GABRB2: variants seen among roughly 807,000 people sequenced by gnomAD.
The protein encoded by GABRB2 is gamma-aminobutyric acid receptor subunit beta-2.
GABRB2 carries 16 observed loss-of-function variants against 54.7 expected under a neutral mutation model. The ratio of observed to expected loss-of-function variants is 0.29; its 90% CI spans 0.20 to 0.44. The LOEUF (loss-of-function observed/expected upper bound fraction) is 0.44. Ranked by LOEUF, GABRB2 falls within the 20% of genes least tolerant of loss-of-function variation. The pLI is 1.00. For missense variants in GABRB2, 355 were observed against 644.0 expected (o/e 0.55, Z 4.86); for synonymous variants, 244 against 233.8 (o/e 1.04, Z -0.40).
At chr5:161,370,279 T>C (rs1755094070) in intron 5 of GABRB2, among the ~76,000 whole-genome samples, 1 of 152,198 alleles carries the variant, frequency 6.6e-6, no homozygotes, top group Non-Finnish European at 1.5e-5. Flanking sequence ...TATCATTTGG[T>C]GTCCTGTGCT....
chr5:161,365,269 A>G (rs370895443), intron 5 of GABRB2, among the ~76,000 whole-genome samples: 1 of 152,202 alleles, frequency 6.6e-6, no homozygotes, highest in East Asian at 1.9e-4. Flanking sequence ...CATGAGGCCC[A>G]GATGAAATGG....
intron 3 of GABRB2, among the ~76,000 whole-genome samples, chr5:161,522,973 A>T (rs568089517): frequency 6.6e-6 from 1 of 151,578 alleles, no homozygotes; most frequent in East Asian, 1.9e-4. Context: ...ATTAATAGAT[A>T]TAATTTATTG....
At chr5:161,371,139 T>C (rs1755119560) in intron 5 of GABRB2, among the ~76,000 whole-genome samples, 1 of 152,064 alleles carries the variant, frequency 6.6e-6, no homozygotes. Flanking sequence ...AGAATCAATC[T>C]CCAGAATATA....
chr5:161,328,052 A>C (rs1322157987), intron 8 of GABRB2, among the ~76,000 whole-genome samples: 1 of 152,174 alleles, frequency 6.6e-6, no homozygotes, highest in African/African-American at 2.4e-5. Context: ...TTTTGTTTTA[A>C]TCTAATCAAA....
rs576272737 is a variant in GABRB2, at chr5:161,301,917, C to A, written c.1192-7489G>T. Among the ~76,000 whole-genome samples the A allele has an allele frequency of 1.2e-3, 181 of 152,278 alleles. 1 individual carries two copies. The highest frequency in any genetic ancestry group is 2.2e-3 in the Non-Finnish European group (149 of 68,022). The stretch of plus-strand genomic sequence containing the variant: ...AGAGGCTCTATCAAGCATGCCGATG[C>A]CAACAAAGAAGTCTCCTGCTTCCAA... On this transcript the variant is annotated intron_variant, in intron 9 of 9. Coordinates refer to ENST00000393959, the MANE Select transcript of GABRB2 (RefSeq NM_001371727.1).
At chr5:161,341,334 A>G (rs1450571680) in intron 5 of GABRB2, among the ~76,000 whole-genome samples, 2 of 152,024 alleles carry the variant, frequency 1.3e-5, no homozygotes, top group Non-Finnish European at 2.9e-5. Flanking sequence ...AGATATCAGA[A>G]GGAAATGCAC....
rs764051200 is a variant in GABRB2 at position 161,294,443 on chromosome 5, A to C, written c.1192-15T>G. On this transcript the variant is annotated splice_polypyrimidine_tract_variant and intron_variant, in intron 9 of 9. Coordinates refer to ENST00000393959, the MANE Select transcript of GABRB2 (RefSeq NM_001371727.1). ...TGGGGGTCCATCTGCAAGGGAAGAG[A>C]ATCAAAAAGACAATCAGAACAATGA... The C allele has an allele frequency of 6.2e-7, 1 of 1,601,726 alleles. No homozygotes were observed. The highest frequency in any genetic ancestry group is 1.1e-5 in the South Asian group (1 of 90,626).
chr5:161,294,387 T>C lies in GABRB2; in HGVS notation c.1233A>G (p.Ile411Met). 1 of 1,614,026 alleles carries C rather than the reference T, an allele frequency of 6.2e-7. No individual in the cohort carries two copies. The highest frequency in any genetic ancestry group is 2.2e-5 in the East Asian group (1 of 44,870). Residue 411 changes from isoleucine (I) to methionine (M), a missense_variant, in exon 10 of 10, where the codon ATA becomes ATG. Physicochemically the swap from Ile to Met is conservative, Grantham distance 10. Transcript: ENST00000393959. ...CCTCAGATGTGGCCATTTCATTTTTTATCTCGAGAGTGCTCAGTAAGATGT... is the reference window on the plus strand; with the variant it reads ...CCTCAGATGTGGCCATTTCATTTTTCATCTCGAGAGTGCTCAGTAAGATGT... ...HENILLSTLE[I>M]KNEMATSEAV...
intron 3 of GABRB2, among the ~76,000 whole-genome samples, chr5:161,471,477 CACA>C: frequency 6.6e-6 from 1 of 152,042 alleles, no homozygotes; most frequent in Non-Finnish European, 1.5e-5. Context: ...TTGCTAGAGA[CACA>C]TTCAGGACAT....
At chr5:161,462,177 A>G (rs148550421) in intron 3 of GABRB2, among the ~76,000 whole-genome samples, 2 of 152,292 alleles carry the variant, frequency 1.3e-5, no homozygotes, top group East Asian at 3.9e-4. Flanking sequence ...ATGTGTATCA[A>G]ATAGTTGTCG....
intron 5 of GABRB2, among the ~76,000 whole-genome samples, chr5:161,386,186 A>T (rs1755626249): frequency 6.6e-6 from 1 of 152,138 alleles, no homozygotes; most frequent in Non-Finnish European, 1.5e-5. Context: ...TATTTAAACC[A>T]GCAATATCTG....
chr5:161,323,074 G>C (rs1179465092), intron 9 of GABRB2, among the ~76,000 whole-genome samples: 1 of 150,166 alleles, frequency 6.7e-6, no homozygotes, highest in African/African-American at 2.5e-5. Context: ...ATCCAGGCTG[G>C]AGTGCAGTGG....
chr5:161,373,632 G>C (rs954874169), intron 5 of GABRB2, among the ~76,000 whole-genome samples: 26 of 152,258 alleles, frequency 1.7e-4, no homozygotes, highest in African/African-American at 6.3e-4. Context: ...ATTGAGGACT[G>C]TTCTAAACAA....
intron 3 of GABRB2, among the ~76,000 whole-genome samples, chr5:161,464,791 A>T (rs1758227695): frequency 6.6e-6 from 1 of 152,126 alleles, no homozygotes; most frequent in African/African-American, 2.4e-5. Flanking sequence ...AAGAAGCCAG[A>T]TTCAAAAGGA....
chr5:161,437,234 C>T (rs967002364), intron 4 of GABRB2, among the ~76,000 whole-genome samples: 4 of 151,906 alleles, frequency 2.6e-5, no homozygotes, highest in Admixed American at 6.6e-5. Flanking sequence ...CCAAAAGAGA[C>T]CCCTTCCTTC....
At chr5:161,344,474 G>A (rs971568103) in intron 5 of GABRB2, among the ~76,000 whole-genome samples, 7 of 151,734 alleles carry the variant, frequency 4.6e-5, no homozygotes, top group East Asian at 1.9e-4. Context: ...TAGGGTTTCC[G>A]CCTTCCTCCA....
chr5:161,513,304 A>T (rs1369613375), intron 3 of GABRB2, among the ~76,000 whole-genome samples: 1 of 152,110 alleles, frequency 6.6e-6, no homozygotes, highest in Non-Finnish European at 1.5e-5. Flanking sequence ...AAAATAAATC[A>T]TTCTACCATG....
chr5:161,322,869 CTTGT>C (rs986240940), intron 9 of GABRB2, among the ~76,000 whole-genome samples: 1 of 151,782 alleles, frequency 6.6e-6, no homozygotes, highest in African/African-American at 2.4e-5. Context: ...TTAATCGCTT[CTTGT>C]TTATTATTTT....
At chr5:161,392,897 C>T (rs1388485194) in intron 5 of GABRB2, among the ~76,000 whole-genome samples, 1 of 152,014 alleles carries the variant, frequency 6.6e-6, no homozygotes, top group Non-Finnish European at 1.5e-5. Context: ...ATTTATGTGA[C>T]AGAGTGCATT....
Sources: allele counts gnomAD v4.1 joint callset (sites outside exome capture counted in the v4.1 genomes callset), GRCh38; gene constraint gnomAD v4.1.1; transcripts MANE v1.5; gene names NCBI Gene and HGNC (gene_info 2026-07-23, HGNC 2026-07-21).